The following TUSC3 variants were observed in gnomAD, a reference collection of about 807,000 sequenced individuals.
TUSC3 encodes dolichyl-diphosphooligosaccharide--protein glycosyltransferase subunit TUSC3.
A neutral mutation model predicts 44.8 loss-of-function variants in TUSC3; 45 were observed. The ratio of observed to expected loss-of-function variants is 1.00; its 90% CI spans 0.79 to 1.29. The LOEUF is 1.29. Among genes scored for constraint, TUSC3 ranks in the 50% most tolerant of loss-of-function variants. The probability of loss-of-function intolerance (pLI) is 0.00; values close to 1 mark genes in which losing one functional copy is unlikely to be tolerated. For synonymous variants in TUSC3, 212 were observed against 152.9 expected (o/e 1.39, Z -2.85); for missense variants, 519 against 437.9 (o/e 1.19, Z -1.65).
chr8:15,833,293 C>T, the TUSC3 span, among the ~76,000 whole-genome samples: 1 of 152,096 alleles, frequency 6.6e-6, no homozygotes, highest in African/African-American at 2.4e-5. Context: ...TTGTGGAAAA[C>T]AATGTGGCAA....
At chr8:15,840,589 G>A in the TUSC3 span, among the ~76,000 whole-genome samples, 1 of 151,958 alleles carries the variant, frequency 6.6e-6, no homozygotes. Context: ...AAGGATGGTA[G>A]GTTTCTAATT....
the TUSC3 span, among the ~76,000 whole-genome samples, chr8:15,787,326 T>A: frequency 6.6e-6 from 1 of 152,154 alleles, no homozygotes; most frequent in Non-Finnish European, 1.5e-5. Flanking sequence ...TAATGTTAGG[T>A]TAGAATCAAT....
chr8:15,480,886 A>T (rs1800649141), intron 1 of TUSC3, among the ~76,000 whole-genome samples: 1 of 152,178 alleles, frequency 6.6e-6, no homozygotes, highest in Non-Finnish European at 1.5e-5. Context: ...AATTCAGTCT[A>T]TGGTATGATT....
At chr8:15,466,459 T>G (rs1056642302) in intron 1 of TUSC3, among the ~76,000 whole-genome samples, 1 of 152,230 alleles carries the variant, frequency 6.6e-6, no homozygotes, top group African/African-American at 2.4e-5. Context: ...GAGTGCCCAA[T>G]GTAGGAAAAA....
intron 1 of TUSC3, among the ~76,000 whole-genome samples, chr8:15,584,632 G>A (rs1412166844): frequency 6.6e-6 from 1 of 152,046 alleles, no homozygotes; most frequent in Admixed American, 6.6e-5. Context: ...AGTCAATACA[G>A]TTTTGACAAA....
intron 6 of TUSC3, among the ~76,000 whole-genome samples, chr8:15,691,072 T>C (rs1349676638): frequency 6.7e-6 from 1 of 149,822 alleles, no homozygotes; most frequent in Non-Finnish European, 1.5e-5. Context: ...GAAATATCAC[T>C]GAATTTGTGG....
intron 2 of TUSC3, among the ~76,000 whole-genome samples, chr8:15,511,531 A>G (rs1315743607): frequency 1.3e-5 from 2 of 152,196 alleles, no homozygotes; most frequent in African/African-American, 4.8e-5. Context: ...ACCACCAATT[A>G]TAATAGCACC....
Position 15,759,813 on chromosome 8 carries a change from C to A in TUSC3, c.*46+1958C>A, listed in dbSNP as rs547119653. Among the ~76,000 whole-genome samples, 3 of 152,270 alleles carry A rather than the reference C, an allele frequency of 2.0e-5. No individual in the cohort carries two copies. In the South Asian group the frequency reaches 6.2e-4, roughly 32 times the overall value. Reference sequence around the variant, plus strand: ...ACCTGAATACCACATTAACAGTTCACCTCACTACGTTAAAAAATCATTATC... The same window carrying A: ...ACCTGAATACCACATTAACAGTTCAACTCACTACGTTAAAAAATCATTATC... On this transcript the variant is annotated intron_variant, in intron 10 of 10. Transcript: ENST00000503731.
At chr8:15,756,593 A>T (rs963117977) in intron 9 of TUSC3, among the ~76,000 whole-genome samples, 2 of 152,144 alleles carry the variant, frequency 1.3e-5, no homozygotes, top group Admixed American at 1.3e-4. Flanking sequence ...TATATCTCCA[A>T]AGTGCTAAGC....
rs1382581799 is a variant in TUSC3 at position 15,748,884 on chromosome 8, A to G, written c.1028+419A>G. 3 of 391,388 alleles carry G rather than the reference A, an allele frequency of 7.7e-6. No homozygotes were observed. The East Asian group carries it at 2.2e-4, about 28-fold the overall frequency. The allele number at this position is 391,388 out of a possible 1,614,324, so 24.2% of individuals were successfully genotyped here. A position where few individuals can be genotyped will look rare whatever the true frequency, so the allele number is the denominator to read the frequency against. ...TTTTAACTTTTCAAAATAAGAGCCA[A>G]CATGAAAGGGAAAAGTTAAGTAATA... On this transcript the variant is annotated intron_variant, in intron 9 of 10. Coordinates refer to ENST00000503731, the MANE Select transcript of TUSC3 (RefSeq NM_006765.4).
intron 8 of TUSC3, among the ~76,000 whole-genome samples, chr8:15,748,137 A>G (rs954063019): frequency 3.9e-5 from 6 of 152,214 alleles, no homozygotes; most frequent in South Asian, 2.1e-4. Context: ...TGTTGTTTTC[A>G]TACCACAAAT....
intron 3 of TUSC3, 170 bp downstream of exon 3, chr8:15,650,984 T>TACACAC (rs3070913): frequency 3.5e-4 from 177 of 501,962 alleles, no homozygotes; most frequent in African/African-American, 1.9e-3. Flanking sequence ...GCAAGACTTT[T>TACACAC]ACACACACAC....
At chr8:15,850,207 G>C in the TUSC3 span, among the ~76,000 whole-genome samples, 1 of 151,072 alleles carries the variant, frequency 6.6e-6, no homozygotes, top group East Asian at 2.0e-4. Flanking sequence ...GGTGCTCTAA[G>C]ACTATGAACA....
intron 2 of TUSC3, among the ~76,000 whole-genome samples, chr8:15,636,893 G>A (rs544459397): frequency 6.6e-6 from 1 of 152,276 alleles, no homozygotes; most frequent in African/African-American, 2.4e-5. Context: ...TGTTCACATA[G>A]TCCCAAGAAA....
Position 15,585,918 on chromosome 8 carries a change from A to G in TUSC3, c.139-37162A>G, listed in dbSNP as rs184271625. Among the ~76,000 whole-genome samples the G allele has an allele frequency of 3.4e-3, 524 of 152,300 alleles. 4 individuals are homozygous for G. The highest frequency in any genetic ancestry group is 0.012 in the African/African-American group (492 of 41,560). On this transcript the variant is annotated intron_variant, in intron 1 of 10. Coordinates refer to ENST00000503731, the MANE Select transcript of TUSC3 (RefSeq NM_006765.4). ...AATGTGTAAGTAGAGAGTTAAAGCC[A>G]TGAAAGTAGATGGGATCACCCATAG...
chr8:15,540,900 C>T (rs1187360336), intron 1 of TUSC3, among the ~76,000 whole-genome samples: 1 of 152,204 alleles, frequency 6.6e-6, no homozygotes, highest in African/African-American at 2.4e-5. Flanking sequence ...TGAAAATACC[C>T]TTTGGAAGTA....
intron 1 of TUSC3, among the ~76,000 whole-genome samples, chr8:15,470,833 G>A (rs937076430): frequency 6.6e-6 from 1 of 152,156 alleles, no homozygotes; most frequent in Non-Finnish European, 1.5e-5. Context: ...TGGTCCCAGT[G>A]AGTGTGGGTG....
chr8:15,571,070 C>A (rs1018359404), intron 1 of TUSC3, among the ~76,000 whole-genome samples: 1 of 148,788 alleles, frequency 6.7e-6, no homozygotes, highest in African/African-American at 2.5e-5. Context: ...GATTCTCCTG[C>A]CCCAGCCAGA....
intron 2 of TUSC3, among the ~76,000 whole-genome samples, chr8:15,641,085 G>A (rs1261648662): frequency 1.3e-5 from 2 of 152,170 alleles, no homozygotes; most frequent in African/African-American, 2.4e-5. Context: ...TTGAGGCCGG[G>A]CGCGGTGGCT....
Sources: gnomAD v4.1 joint callset for allele counts (sites outside exome capture counted in the v4.1 genomes callset) on GRCh38, gnomAD v4.1.1 for gene constraint, MANE v1.5 for transcripts, NCBI Gene and HGNC (gene_info 2026-07-23, HGNC 2026-07-21) for gene names.